Variants in RBFOX1 observed in about 807,000 individuals in gnomAD.
RBFOX1 encodes RNA binding fox-1 homolog 1.
Under a neutral mutation model 57.7 loss-of-function variants are expected in RBFOX1, and 8 were observed. The ratio of observed to expected loss-of-function variants is 0.14; its 90% confidence interval spans 0.08 to 0.25. The LOEUF is 0.25. RBFOX1 is among the 10% of genes least tolerant of loss of function. The pLI is 1.00. For synonymous variants in RBFOX1, 326 were observed against 222.4 expected (o/e 1.47, Z -4.15); for missense variants, 611 against 548.5 (o/e 1.11, Z -1.14).
chr16:5,508,485 A>C (rs1416624070), intron 2 of RBFOX1, among the ~76,000 whole-genome samples: 1 of 152,224 alleles, frequency 6.6e-6, no homozygotes, highest in Non-Finnish European at 1.5e-5. Context: ...TATTCATTAA[A>C]AACAAAGTAC....
intron 3 of RBFOX1, among the ~76,000 whole-genome samples, chr16:6,982,034 A>C (rs1187908717): frequency 6.6e-6 from 1 of 152,224 alleles, no homozygotes; most frequent in Non-Finnish European, 1.5e-5. Flanking sequence ...TTACCTTACA[A>C]ATTTATGTAA....
intron 3 of RBFOX1, among the ~76,000 whole-genome samples, chr16:6,917,943 C>T (rs978121408): frequency 6.6e-6 from 1 of 152,126 alleles, no homozygotes; most frequent in African/African-American, 2.4e-5. Flanking sequence ...TCTTACTCAA[C>T]CTAAGTCTCA....
intron 2 of RBFOX1, among the ~76,000 whole-genome samples, chr16:6,462,663 T>C (rs186283548): frequency 1.3e-5 from 2 of 152,282 alleles, no homozygotes; most frequent in Admixed American, 1.3e-4. Flanking sequence ...GCTCACCAAT[T>C]TTTTAATTTC....
rs1555553840 is a variant in RBFOX1, at chr16:6,562,872, C to CTTTCTTTG, written c.-63-91724_-63-91723insGTTTCTTT. ...TCTTTCTTTCTTTCTTTCTTTCTTT[C>CTTTCTTTG]TTTCTTTCTTTTTTTTTTTTTTTTT... On this transcript the variant is annotated intron_variant, in intron 2 of 15. Transcript: ENST00000550418. Among the ~76,000 whole-genome samples the CTTTCTTTG allele has an allele frequency of 1.5e-3, 75 of 49,250 alleles. 2 individuals are homozygous for CTTTCTTTG. Among genetic ancestry groups the CTTTCTTTG allele is most frequent in the Middle Eastern group, 0.026 (2 of 76 alleles). The allele number at this position is 49,250 out of a possible 152,430, so 32.3% of individuals were successfully genotyped here. A position where few individuals can be genotyped will look rare whatever the true frequency, so the allele number is the denominator to read the frequency against.
chr16:6,491,230 A>G (rs953072700), intron 2 of RBFOX1, among the ~76,000 whole-genome samples: 3 of 151,952 alleles, frequency 2.0e-5, no homozygotes, highest in African/African-American at 4.8e-5. Context: ...AACTATATAT[A>G]TAGTTTAATT....
intron 3 of RBFOX1, among the ~76,000 whole-genome samples, chr16:6,965,824 G>T (rs1017651526): frequency 1.3e-5 from 2 of 152,140 alleles, no homozygotes; most frequent in Non-Finnish European, 2.9e-5. Context: ...AATCTGTACT[G>T]AAATAGGTGC....
chr16:6,557,012 T>C (rs1045838572), intron 2 of RBFOX1, among the ~76,000 whole-genome samples: 2 of 137,378 alleles, frequency 1.5e-5, no homozygotes, highest in Non-Finnish European at 3.1e-5. Flanking sequence ...TATACATATA[T>C]ATACATATAT....
intron 3 of RBFOX1, among the ~76,000 whole-genome samples, chr16:6,863,725 CTT>C (rs71408412): frequency 0.02 from 1,366 of 67,596 alleles, 98 homozygotes; most frequent in African/African-American, 0.097. Flanking sequence ...GATGCCTGCG[CTT>C]TTTTTTTTTT....
intron 5 of RBFOX1, among the ~76,000 whole-genome samples, chr16:7,530,107 G>A (rs57841553): frequency 6.6e-6 from 1 of 151,924 alleles, no homozygotes; most frequent in Non-Finnish European, 1.5e-5. Flanking sequence ...CAGTGTGACA[G>A]TGCAGAGATT....
intron 2 of RBFOX1, among the ~76,000 whole-genome samples, chr16:6,398,940 C>T (rs1049945379): frequency 6.6e-6 from 1 of 152,234 alleles, no homozygotes; most frequent in Non-Finnish European, 1.5e-5. Flanking sequence ...CAGAGGTTCT[C>T]CATGAGGATT....
intron 3 of RBFOX1, among the ~76,000 whole-genome samples, chr16:6,898,170 C>G (rs2067436959): frequency 6.6e-6 from 1 of 152,168 alleles, no homozygotes; most frequent in African/African-American, 2.4e-5. Context: ...GAGGTCGTAG[C>G]CAACGGCATT....
intron 6 of RBFOX1, among the ~76,000 whole-genome samples, chr16:7,581,461 T>A (rs532147411): frequency 1.2e-4 from 19 of 152,262 alleles, no homozygotes; most frequent in South Asian, 1.0e-3. Context: ...TCATCAAGTG[T>A]CACTGTGATG....
intron 11 of RBFOX1, among the ~76,000 whole-genome samples, chr16:7,638,068 A>T (rs1201760179): frequency 6.6e-6 from 1 of 152,056 alleles, no homozygotes; most frequent in Admixed American, 6.6e-5. Flanking sequence ...TTAAAACATG[A>T]TCTATCTCCA....
intron 1 of RBFOX1, among the ~76,000 whole-genome samples, chr16:5,436,162 T>TTCTCCCTCATGTCTG (rs2067911794): frequency 6.6e-6 from 1 of 152,190 alleles, no homozygotes; most frequent in African/African-American, 2.4e-5. Context: ...CCTCATGCCT[T>TTCTCCCTCATGTCTG]TCTCTGGGGA....
At chr16:7,601,154 T>C (rs1568033154) in intron 9 of RBFOX1, among the ~76,000 whole-genome samples, 1 of 152,162 alleles carries the variant, frequency 6.6e-6, no homozygotes, top group Non-Finnish European at 1.5e-5. Flanking sequence ...GGGGCAAACA[T>C]ATTCAGCGCT....
chr16:6,106,472 T>C (rs75537243), intron 1 of RBFOX1, among the ~76,000 whole-genome samples: 1 of 131,456 alleles, frequency 7.6e-6, no homozygotes, highest in Non-Finnish European at 1.6e-5. Flanking sequence ...GTCTCAAAAA[T>C]AAAAAAAAAA....
chr16:6,721,669 A>C (rs2066017474), intron 3 of RBFOX1: 1 of 152,114 alleles, frequency 6.6e-6, no homozygotes, highest in Admixed American at 6.5e-5. Flanking sequence ...TACCTCATAC[A>C]TGAGTAGAAT....
chr16:5,845,717 GA>G (rs2056739529), intron 3 of RBFOX1, among the ~76,000 whole-genome samples: 2 of 152,188 alleles, frequency 1.3e-5, no homozygotes, highest in Non-Finnish European at 2.9e-5. Flanking sequence ...AATAACACTG[GA>G]TACATTTATA....
chr16:6,499,085 A>C (rs2095849672), intron 2 of RBFOX1, among the ~76,000 whole-genome samples: 1 of 152,346 alleles, frequency 6.6e-6, no homozygotes, highest in East Asian at 1.9e-4. Context: ...GTGTTTATTC[A>C]GCTCCGTGGA....
Sources: gnomAD v4.1 joint callset for allele counts (sites outside exome capture counted in the v4.1 genomes callset) on GRCh38, gnomAD v4.1.1 for gene constraint, MANE v1.5 for transcripts, NCBI Gene and HGNC (gene_info 2026-07-23, HGNC 2026-07-21) for gene names.